Variants in TICRR observed in about 807,000 individuals in gnomAD.
The protein encoded by TICRR is TOPBP1 interacting checkpoint and replication regulator.
TICRR carries 132 observed loss-of-function variants against 178.1 expected under a neutral mutation model. That is an observed-to-expected ratio of 0.74 (90% CI 0.64 to 0.86). TICRR has a LOEUF of 0.86. Ranked by LOEUF, TICRR falls within the 40% of genes least tolerant of loss-of-function variation. TICRR has a pLI of 0.00. For synonymous variants in TICRR, 991 were observed against 900.7 expected, an observed-to-expected ratio of 1.10 and a Z score of -1.79; for missense variants, 2,587 against 2,334.3, an observed-to-expected ratio of 1.11 and a Z score of -2.23.
chr15:89,616,344 T>G, intron 15 of TICRR, 61 bp from the exon 16 acceptor site: 1 of 1,448,832 alleles, frequency 6.9e-7, no homozygotes, highest in Non-Finnish European at 9.7e-7. Flanking sequence ...CCCTTGGCCT[T>G]ACTGCTGCTT....
At chr15:89,612,922 C>A (rs905491497) in intron 15 of TICRR, among the ~76,000 whole-genome samples, 3 of 152,218 alleles carry the variant, frequency 2.0e-5, no homozygotes, top group Admixed American at 2.0e-4. Context: ...TGCCCATCAA[C>A]ACTGATTTAT....
At chr15:89,589,588 C>G (rs1372917800) in intron 4 of TICRR, among the ~76,000 whole-genome samples, 2 of 152,150 alleles carry the variant, frequency 1.3e-5, no homozygotes, top group African/African-American at 4.8e-5. Context: ...CTCCCCTAAT[C>G]CAGCATACAA....
intron 13 of TICRR, among the ~76,000 whole-genome samples, chr15:89,605,977 G>A (rs1183616268): frequency 6.6e-6 from 1 of 152,158 alleles, no homozygotes; most frequent in Non-Finnish European, 1.5e-5. Context: ...TCTAATTAAT[G>A]TATATGGCTT....
At chr15:89,617,543 G>C (rs569459100) in intron 16 of TICRR, among the ~76,000 whole-genome samples, 1 of 152,248 alleles carries the variant, frequency 6.6e-6, no homozygotes, top group South Asian at 2.1e-4. Context: ...CTTTTTCTGA[G>C]TAGGAATCTC....
rs762755606 is a variant in TICRR, at chr15:89,608,802, G to T, written c.2723-1G>T. The T allele has an allele frequency of 1.3e-6, 2 of 1,598,890 alleles. No homozygotes were observed. Among genetic ancestry groups the T allele is most frequent in the South Asian group, 2.3e-5 (2 of 87,894 alleles). ...TTTCTTTTAATTTTTGATGCTTTCA[G>T]AAGTGACCAAAGTTCGAAGAAATCT... On this transcript the variant is annotated splice_acceptor_variant, in intron 14 of 21. Transcript: ENST00000268138. LOFTEE classifies it high-confidence loss of function.
intron 1 of TICRR, among the ~76,000 whole-genome samples, chr15:89,580,622 C>A (rs934037329): frequency 3.9e-5 from 6 of 152,206 alleles, no homozygotes; most frequent in African/African-American, 1.4e-4. Flanking sequence ...TGCTCCAATA[C>A]ATTGTTTATC....
At chr15:89,599,893 G>A (rs1315323202) in intron 8 of TICRR, among the ~76,000 whole-genome samples, 1 of 152,180 alleles carries the variant, frequency 6.6e-6, no homozygotes, top group Non-Finnish European at 1.5e-5. Flanking sequence ...GGATCACGAG[G>A]TCAGGAGTTT....
chr15:89,616,652 A>G (rs1963341026), intron 16 of TICRR, among the ~76,000 whole-genome samples, 157 bp downstream of exon 16: 1 of 152,244 alleles, frequency 6.6e-6, no homozygotes, highest in African/African-American at 2.4e-5. Flanking sequence ...TGGGAGCAGG[A>G]GAACCATATA....
At chr15:89,617,769 G>A (rs1963359022) in intron 16 of TICRR, among the ~76,000 whole-genome samples, 1 of 148,120 alleles carries the variant, frequency 6.8e-6, no homozygotes, top group Non-Finnish European at 1.5e-5. Context: ...CTGGCTCACT[G>A]CAACGTCTGC....
chr15:89,621,099 A>T (rs950804793), intron 18 of TICRR, among the ~76,000 whole-genome samples: 5 of 151,022 alleles, frequency 3.3e-5, no homozygotes, highest in African/African-American at 1.2e-4. Context: ...GTCTCACTGC[A>T]ACCTCCACCT....
chr15:89,612,358 A>G (rs1049831095), intron 15 of TICRR, among the ~76,000 whole-genome samples: 2 of 152,172 alleles, frequency 1.3e-5, no homozygotes, highest in Admixed American at 1.3e-4. Context: ...AACCCACTGT[A>G]GCCTAAGAGA....
chr15:89,602,857 G>C lies in TICRR; in HGVS notation c.2629G>C (p.Glu877Gln). The change falls in exon 13 of 22, where the codon GAA becomes CAA. Residue 877 changes from glutamate (E) to glutamine (Q), a missense_variant. By Grantham distance (29) the Glu-to-Gln change is conservative (BLOSUM62 2). Coordinates refer to ENST00000268138, the MANE Select transcript of TICRR (RefSeq NM_152259.4). ...AEVSQNLRQI[E>Q]IPKVSKRATK... The stretch of plus-strand genomic sequence containing the variant: ...GGTTTCACAGAATCTTCGACAAATT[G>C]AAATTCCTAAAGTGTCAAAGAGAGC... 1 of 1,531,776 alleles carries C rather than the reference G, an allele frequency of 6.5e-7. No homozygotes were observed. Among genetic ancestry groups the C allele is most frequent in the Non-Finnish European group, 8.8e-7 (1 of 1,140,396 alleles). 94.9% of individuals were successfully genotyped at this position (1,531,776 alleles called of 1,614,324 possible). A position where few individuals can be genotyped will look rare whatever the true frequency, so the allele number is the denominator to read the frequency against.
intron 8 of TICRR, 92 bp from the exon 9 acceptor site, chr15:89,600,493 A>G (rs939317677): frequency 3.6e-5 from 19 of 534,654 alleles, no homozygotes; most frequent in African/African-American, 7.9e-5. Context: ...GAAGTTTATA[A>G]GGGAATATAT....
chr15:89,590,594 T>A (rs1962894601), intron 4 of TICRR, among the ~76,000 whole-genome samples: 1 of 152,204 alleles, frequency 6.6e-6, no homozygotes, highest in Non-Finnish European at 1.5e-5. Flanking sequence ...CCCACCATGC[T>A]CCATCTGGGT....
chr15:89,595,704 A>G (rs764069218), intron 7 of TICRR, 93 bp downstream of exon 7: 1 of 842,588 alleles, frequency 1.2e-6, no homozygotes, highest in Non-Finnish European at 1.9e-6. Context: ...TATCTGCTAC[A>G]TGCACAAAAA....
At chr15:89,588,611 G>C (rs1962859930) in intron 4 of TICRR, among the ~76,000 whole-genome samples, 1 of 152,144 alleles carries the variant, frequency 6.6e-6, no homozygotes, top group African/African-American at 2.4e-5. Flanking sequence ...GGTCAGAATG[G>C]GGTGCTTGAG....
chr15:89,593,761 A>G (rs1567042918), intron 5 of TICRR, among the ~76,000 whole-genome samples: 1 of 152,222 alleles, frequency 6.6e-6, no homozygotes, highest in African/African-American at 2.4e-5. Flanking sequence ...GACCCAACAC[A>G]TATTCCACCC....
chr15:89,597,248 G>T (rs113394365), intron 7 of TICRR, among the ~76,000 whole-genome samples: 9,059 of 152,166 alleles, frequency 0.06, 876 homozygotes, highest in African/African-American at 0.2. Context: ...TGGAGGCCAG[G>T]TGCAGTGACT....
chr15:89,613,692 T>C (rs1596054451), intron 15 of TICRR, among the ~76,000 whole-genome samples: 1 of 151,826 alleles, frequency 6.6e-6, no homozygotes, highest in Admixed American at 6.6e-5. Context: ...CAAATTTACT[T>C]TTCATTTTTG....
Sources: gnomAD v4.1 joint callset for allele counts (sites outside exome capture counted in the v4.1 genomes callset) on GRCh38, gnomAD v4.1.1 for gene constraint, MANE v1.5 for transcripts, NCBI Gene and HGNC (gene_info 2026-07-23, HGNC 2026-07-21) for gene names.